The following EXD1 variants were observed in gnomAD, a reference collection of about 807,000 sequenced individuals.
The protein encoded by EXD1 is piRNA biogenesis protein EXD1.
A neutral mutation model predicts 49.1 loss-of-function variants in EXD1; 63 were observed. The observed-to-expected ratio is 1.28, with a 90% CI of 1.05 to 1.58. The LOEUF is 1.58. EXD1 is among the 40% of genes most tolerant of loss of function. The pLI, the probability that EXD1 is intolerant of heterozygous loss-of-function variation, is 0.00. For synonymous variants in EXD1, 234 were observed against 239.2 expected (o/e 0.98, Z 0.20); for missense variants, 748 against 666.0 (o/e 1.12, Z -1.36).
intron 7 of EXD1, among the ~76,000 whole-genome samples, chr15:41,202,775 A>G (rs2046752428): frequency 6.6e-6 from 1 of 152,032 alleles, no homozygotes; most frequent in Non-Finnish European, 1.5e-5. Flanking sequence ...AAAATTAGCC[A>G]GGCCCAGTGG....
Position 41,230,471 on chromosome 15 carries a change from T to A in EXD1, c.-54+8A>T. On this transcript the variant is annotated splice_region_variant and intron_variant, in intron 1 of 11. Coordinates refer to ENST00000458580, the MANE Select transcript of EXD1 (RefSeq NM_001286441.2). ...GACAAAATAAGGAACTTCAAATAAA[T>A]GGCGGACCATAAGCTAGGAATTCAC... 6.2e-7 allele frequency: 1 copy of A among 1,612,866 alleles called. No individual in the cohort carries two copies.
chr15:41,202,621 T>A (rs1408223567), intron 7 of EXD1, among the ~76,000 whole-genome samples: 1 of 152,134 alleles, frequency 6.6e-6, no homozygotes, highest in Non-Finnish European at 1.5e-5. Context: ...GATTATATTA[T>A]ATGCTCAGCT....
intron 7 of EXD1, among the ~76,000 whole-genome samples, chr15:41,198,302 A>G (rs953099747): frequency 6.6e-6 from 1 of 152,014 alleles, no homozygotes; most frequent in African/African-American, 2.4e-5. Context: ...CCACTATCCA[A>G]CCTCCAGGGA....
At chr15:41,220,007 A>C in intron 2 of EXD1, 109 bp from the exon 3 acceptor site, 3 of 776,462 alleles carry the variant, frequency 3.9e-6, no homozygotes, top group Non-Finnish European at 6.0e-6. Flanking sequence ...TAAAAAAAAA[A>C]AAACTCCAAA....
chr15:41,201,092 T>G (rs1285579424), intron 7 of EXD1, among the ~76,000 whole-genome samples: 2 of 152,098 alleles, frequency 1.3e-5, no homozygotes, highest in Admixed American at 6.6e-5. Context: ...CAGGCTGGTC[T>G]CAAGCTCCTA....
Position 41,216,799 on chromosome 15 carries a change from T to A in EXD1, c.261-4A>T. The A allele has an allele frequency of 6.2e-7, 1 of 1,610,046 alleles. No individual in the cohort carries two copies. Among genetic ancestry groups the A allele is most frequent in the South Asian group, 1.1e-5 (1 of 90,060 alleles). ...CCAGGTTCTTTCTGCATGTAGACTA[T>A]CCTTACAAGAAACAATATTTGGGTG... is the stretch of plus-strand genomic sequence containing the variant. On this transcript the variant is annotated splice_polypyrimidine_tract_variant and splice_region_variant and intron_variant, in intron 4 of 11. Coordinates refer to ENST00000458580, the MANE Select transcript of EXD1 (RefSeq NM_001286441.2).
intron 10 of EXD1, 186 bp from the exon 11 acceptor site, chr15:41,190,314 A>G (rs2046492102): frequency 5.5e-6 from 3 of 542,198 alleles, no homozygotes; most frequent in Admixed American, 2.9e-5. Context: ...CTCTACTAAA[A>G]ATACAAAAAT....
chr15:41,194,401 T>C (rs1429190135), intron 9 of EXD1, among the ~76,000 whole-genome samples: 1 of 151,960 alleles, frequency 6.6e-6, no homozygotes, highest in Non-Finnish European at 1.5e-5. Flanking sequence ...GGGATTACAG[T>C]GATGCACTTT....
At position 41,182,963 on chromosome 15, in the gene EXD1, GC is replaced by G. The variant is rs1414314751; in HGVS notation, c.*967del. ...TTTGTTAGGAAAATGGACAAAACCA[GC>G]TAAAAATAAAGGAAATAAAAACAAA... On this transcript the variant is annotated 3_prime_UTR_variant, in exon 12 of 12. Coordinates refer to ENST00000458580, the MANE Select transcript of EXD1 (RefSeq NM_001286441.2). 2 of 152,026 alleles carry G rather than the reference GC, an allele frequency of 1.3e-5. No individual in the cohort carries two copies. The highest frequency in any genetic ancestry group is 4.8e-5 in the African/African-American group (2 of 41,404). 9.4% of individuals were successfully genotyped at this position (152,026 alleles called of 1,614,324 possible).
In EXD1 at chr15:41,226,045, G is replaced by C. The variant is rs182289935; in HGVS notation, c.133+398C>G. On this transcript the variant is annotated intron_variant, in intron 2 of 11. Transcript: ENST00000458580. ...AGGCAGGCGGATCACGAGGTCAGGA[G>C]ATCGAGACCATCCTGGCTAACACGG... 6.7e-3 allele frequency among the ~76,000 whole-genome samples: 1,020 copies of C among 152,236 alleles called. 4 individuals carry two copies. The highest frequency in any genetic ancestry group is 0.014 in the Middle Eastern group (4 of 294).
intron 6 of EXD1, among the ~76,000 whole-genome samples, 196 bp downstream of exon 6, chr15:41,215,579 G>A (rs111551265): frequency 0.017 from 2,549 of 152,012 alleles, 76 homozygotes; most frequent in African/African-American, 0.058. Flanking sequence ...CCAGCTACAC[G>A]GGAGGCTGAG....
Position 41,184,253 on chromosome 15 carries a change from C to T in EXD1, c.1397G>A (p.Ser466Asn). ...TEEGETSEDS[S>N]NKLICTKSKG... is the part of the protein sequence containing the mutation. ...TGACTTTGTGCAAATGAGTTTGTTACTGGAATCCTCACTGGTTTCCCCTTC... is the reference window on the plus strand; with the variant it reads ...TGACTTTGTGCAAATGAGTTTGTTATTGGAATCCTCACTGGTTTCCCCTTC... Residue 466 changes from serine to asparagine, a missense_variant, in exon 12 of 12, where the codon AGT (serine) becomes AAT (asparagine). Coordinates refer to ENST00000458580, the MANE Select transcript of EXD1 (RefSeq NM_001286441.2). The T allele has an allele frequency of 6.2e-7, 1 of 1,614,168 alleles. No individual in the cohort carries two copies. The highest frequency in any genetic ancestry group is 8.5e-7 in the Non-Finnish European group (1 of 1,180,026).
intron 7 of EXD1, among the ~76,000 whole-genome samples, chr15:41,202,358 G>A (rs1467744867): frequency 6.6e-6 from 1 of 151,544 alleles, no homozygotes. Context: ...TGTATTTTTA[G>A]TAGAAACAGG....
At chr15:41,208,653 G>C (rs566938406) in intron 7 of EXD1, among the ~76,000 whole-genome samples, 1 of 152,100 alleles carries the variant, frequency 6.6e-6, no homozygotes, top group Non-Finnish European at 1.5e-5. Flanking sequence ...CCAGGAGGCT[G>C]AGGCAGGAGA....
intron 1 of EXD1, among the ~76,000 whole-genome samples, chr15:41,230,092 T>TC (rs1480380758): frequency 1.3e-5 from 2 of 149,782 alleles, no homozygotes; most frequent in African/African-American, 4.9e-5. Context: ...CTTTTTTTTT[T>TC]TTTTTTTTTG....
Position 41,191,560 on chromosome 15 carries a change from A to G in EXD1, c.746T>C (p.Met249Thr). ...GTTTGGAAGATAGCCACCCGTTTCC[A>G]TGGAAAACTGAAGTACATCTGCTAC... The part of the protein sequence containing the change: ...TQVADVLQFS[M>T]ETGGYLPNCI... The change falls in exon 10 of 12, where the codon ATG (methionine) becomes ACG (threonine). Residue 249 changes from methionine to threonine, a missense_variant. Coordinates refer to ENST00000458580, the MANE Select transcript of EXD1 (RefSeq NM_001286441.2). 1 of 1,614,096 alleles carries G rather than the reference A, an allele frequency of 6.2e-7. No individual in the cohort carries two copies. Among genetic ancestry groups the G allele is most frequent in the Non-Finnish European group, 8.5e-7 (1 of 1,180,006 alleles).
intron 7 of EXD1, among the ~76,000 whole-genome samples, chr15:41,200,211 T>A (rs1038127065): frequency 1.3e-5 from 2 of 151,930 alleles, no homozygotes; most frequent in African/African-American, 4.8e-5. Context: ...CACCTGGACT[T>A]GTAATATTCT....
intron 7 of EXD1, among the ~76,000 whole-genome samples, chr15:41,207,822 C>A (rs977979264): frequency 2.6e-5 from 4 of 151,644 alleles, no homozygotes; most frequent in African/African-American, 9.7e-5. Flanking sequence ...ACAAGCCTGG[C>A]CAACATGGTG....
In EXD1 at chr15:41,226,209, G is replaced by A. The variant is rs1037308385; in HGVS notation, c.133+234C>T. ...AGAGCTTGCAGTGAGCCATGATCAC[G>A]CCACTGCACTCCAGCCTGGGCAACA... On this transcript the variant is annotated intron_variant, in intron 2 of 11. Transcript: ENST00000458580. Among the ~76,000 whole-genome samples the A allele has an allele frequency of 1.7e-4, 26 of 151,776 alleles. 1 individual carries two copies. Among genetic ancestry groups the A allele is most frequent in the African/African-American group, 5.6e-4 (23 of 41,370 alleles).
Sources: allele counts gnomAD v4.1 joint callset (sites outside exome capture counted in the v4.1 genomes callset), GRCh38; gene constraint gnomAD v4.1.1; transcripts MANE v1.5; gene names NCBI Gene and HGNC (gene_info 2026-07-23, HGNC 2026-07-21).